Variants in HERC4 observed in about 807,000 individuals in gnomAD.
HERC4 encodes HECT and RLD domain containing E3 ubiquitin protein ligase 4, also known as probable E3 ubiquitin-protein ligase HERC4.
Under a neutral mutation model 124.3 loss-of-function variants are expected in HERC4, and 28 were observed. That is an observed-to-expected ratio of 0.23 (90% CI 0.17 to 0.31). The LOEUF is 0.31. Ranked by LOEUF, HERC4 falls within the 10% of genes least tolerant of loss-of-function variation. The pLI is 1.00. For missense variants in HERC4, 713 were observed against 1,229.3 expected, an observed-to-expected ratio of 0.58 and a Z score of 6.28; for synonymous variants, 407 against 421.5, an observed-to-expected ratio of 0.97 and a Z score of 0.42.
chr10:67,981,643 C>A (rs1285873715), intron 15 of HERC4, among the ~76,000 whole-genome samples: 1 of 152,180 alleles, frequency 6.6e-6, no homozygotes, highest in African/African-American at 2.4e-5. Context: ...TGTCATAAAA[C>A]AAGTCTTAAA....
At chr10:68,056,636 T>C (rs772955980) in intron 3 of HERC4, among the ~76,000 whole-genome samples, 1 of 152,136 alleles carries the variant, frequency 6.6e-6, no homozygotes, top group Non-Finnish European at 1.5e-5. Flanking sequence ...GAAACTGAAA[T>C]ATACCTTGGA....
intron 9 of HERC4, among the ~76,000 whole-genome samples, chr10:68,006,349 G>C (rs919895114): frequency 2.0e-5 from 3 of 150,736 alleles, no homozygotes; most frequent in Non-Finnish European, 4.4e-5. Flanking sequence ...TTGATGAAAC[G>C]CCTCAGCGTT....
At chr10:68,060,649 C>T (rs2040959485) in intron 3 of HERC4, among the ~76,000 whole-genome samples, 1 of 152,160 alleles carries the variant, frequency 6.6e-6, no homozygotes, top group African/African-American at 2.4e-5. Context: ...GTTCTCTTTT[C>T]CCCTTATTCT....
At chr10:67,940,131 T>C (rs1456390496) in intron 20 of HERC4, among the ~76,000 whole-genome samples, 3 of 152,190 alleles carry the variant, frequency 2.0e-5, no homozygotes, top group Non-Finnish European at 4.4e-5. Flanking sequence ...TTTCACCATG[T>C]TGGCCAGGCT....
intron 8 of HERC4, among the ~76,000 whole-genome samples, chr10:68,016,116 T>C (rs2038249309): frequency 6.6e-6 from 1 of 151,962 alleles, no homozygotes; most frequent in African/African-American, 2.4e-5. Context: ...AATATATGTA[T>C]ATATGTGTGT....
chr10:68,029,959 C>T (rs898642527), intron 7 of HERC4, among the ~76,000 whole-genome samples: 2 of 151,084 alleles, frequency 1.3e-5, no homozygotes, highest in Non-Finnish European at 2.9e-5. Flanking sequence ...AGGATGGTCT[C>T]GAACTCCTGA....
At chr10:68,062,102 T>C (rs1209912384) in intron 3 of HERC4, among the ~76,000 whole-genome samples, 4 of 152,102 alleles carry the variant, frequency 2.6e-5, no homozygotes, top group African/African-American at 4.8e-5. Context: ...AATGTCAGCC[T>C]ATCTGAACTG....
chr10:67,972,006 G>C (rs1266619578), intron 15 of HERC4, among the ~76,000 whole-genome samples: 1 of 151,992 alleles, frequency 6.6e-6, no homozygotes, highest in East Asian at 1.9e-4. Flanking sequence ...TACAGTTCAG[G>C]AGTTTGAGAC....
chr10:68,013,476 A>C (rs974861983), intron 9 of HERC4, among the ~76,000 whole-genome samples: 2 of 152,204 alleles, frequency 1.3e-5, no homozygotes, highest in Admixed American at 1.3e-4. Context: ...AGTGAGTCAC[A>C]AAAAGAAACA....
In HERC4 at chr10:68,008,961, C is replaced by T. The variant is rs114960309; in HGVS notation, c.1069+5065G>A. ...CTAGCCTGGGCGCAGTGGTTCACTC[C>T]TGTAATCCCAGCACTTTAAGAGGCC... On this transcript the variant is annotated intron_variant, in intron 9 of 24. Coordinates refer to ENST00000373700, the MANE Select transcript of HERC4 (RefSeq NM_015601.4). Among the ~76,000 whole-genome samples the T allele has an allele frequency of 2.6e-3, 392 of 152,254 alleles. 2 individuals carry two copies. Among genetic ancestry groups the T allele is most frequent in the African/African-American group, 9.0e-3 (374 of 41,550 alleles).
At chr10:68,073,207 T>A in intron 2 of HERC4, 21 bp from the exon 3 acceptor site, 1 of 829,336 alleles carries the variant, frequency 1.2e-6, no homozygotes, top group Non-Finnish European at 1.9e-6. Flanking sequence ...AGAAAGAAGT[T>A]AATATGACTT....
At chr10:67,974,694 G>A (rs747441080) in intron 15 of HERC4, among the ~76,000 whole-genome samples, 44 of 152,172 alleles carry the variant, frequency 2.9e-4, no homozygotes, top group Middle Eastern at 3.4e-3. Context: ...TTAATTTTTC[G>A]TAAAAAGAAT....
chr10:68,032,985 A>AT lies in HERC4; in HGVS notation c.686-117dup, dbSNP rs1294262900. On this transcript the variant is annotated intron_variant, in intron 6 of 24. Coordinates refer to ENST00000373700, the MANE Select transcript of HERC4 (RefSeq NM_015601.4). Reference sequence around the variant, plus strand: ...TAGTTGTGACTAAATAATTTTAACTATGATTCGATGATTTTGTAGTACAAG... The same window carrying AT: ...TAGTTGTGACTAAATAATTTTAACTATTGATTCGATGATTTTGTAGTACAAG... 4 of 628,642 alleles carry AT rather than the reference A, an allele frequency of 6.4e-6. No homozygotes were observed. In the African/African-American group the frequency reaches 7.3e-5, roughly 12 times the overall value. 38.9% of individuals were successfully genotyped at this position (628,642 alleles called of 1,614,324 possible).
intron 9 of HERC4, among the ~76,000 whole-genome samples, chr10:68,004,155 T>C (rs2037403040): frequency 6.6e-6 from 1 of 152,190 alleles, no homozygotes; most frequent in Admixed American, 6.5e-5. Flanking sequence ...GAGAAATGCA[T>C]ATTTAGATCT....
chr10:68,067,300 CTG>C (rs1240498516), intron 3 of HERC4: 3 of 152,586 alleles, frequency 2.0e-5, no homozygotes, highest in African/African-American at 7.2e-5. Flanking sequence ...ACCCTTGACA[CTG>C]TGATTCTTGG....
chr10:67,942,762 C>T (rs1383648336), intron 19 of HERC4, among the ~76,000 whole-genome samples: 3 of 152,162 alleles, frequency 2.0e-5, no homozygotes, highest in East Asian at 1.9e-4. Context: ...CCACCCGCCT[C>T]GGCCTCCCAA....
chr10:67,951,923 A>G (rs1169061639), intron 19 of HERC4, among the ~76,000 whole-genome samples: 1 of 152,198 alleles, frequency 6.6e-6, no homozygotes, highest in African/African-American at 2.4e-5. Flanking sequence ...CAGACAAAAA[A>G]AAATGCATAC....
At chr10:67,926,125 T>C (rs1316771631) in intron 23 of HERC4, among the ~76,000 whole-genome samples, 1 of 152,202 alleles carries the variant, frequency 6.6e-6, no homozygotes, top group Non-Finnish European at 1.5e-5. Context: ...CCGGGCGCGG[T>C]GGCTCACGCC....
At position 67,958,246 on chromosome 10, in the gene HERC4, C is replaced by T. The variant is rs372262816; in HGVS notation, c.1927-1270G>A. ...TTTTATTACATTCTAAACATTCACTCTTCAGTATTTTTCATGTGACAAGGT... is the reference window on the plus strand; with the variant it reads ...TTTTATTACATTCTAAACATTCACTTTTCAGTATTTTTCATGTGACAAGGT... On this transcript the variant is annotated intron_variant, in intron 16 of 24. Transcript: ENST00000373700. Among the ~76,000 whole-genome samples the T allele has an allele frequency of 2.6e-5, 4 of 152,164 alleles. No individual in the cohort carries two copies. In the South Asian group the frequency reaches 8.3e-4, roughly 31 times the overall value.
Sources: gnomAD v4.1 joint callset for allele counts (sites outside exome capture counted in the v4.1 genomes callset) on GRCh38, gnomAD v4.1.1 for gene constraint, MANE v1.5 for transcripts, NCBI Gene and HGNC (gene_info 2026-07-23, HGNC 2026-07-21) for gene names.